Variants in GBF1 observed in about 807,000 individuals in gnomAD.
The protein encoded by GBF1 is Golgi-specific brefeldin A-resistance guanine nucleotide exchange factor 1.
Under a neutral mutation model 210.5 loss-of-function variants are expected in GBF1, and 114 were observed. The ratio of observed to expected loss-of-function variants is 0.54; its 90% CI spans 0.47 to 0.63. The LOEUF (loss-of-function observed/expected upper bound fraction) is 0.63. GBF1 is among the 30% of genes least tolerant of loss of function. GBF1 has a pLI of 0.00. For missense variants in GBF1, 1,851 were observed against 2,357.7 expected, an observed-to-expected ratio of 0.79 and a Z score of 4.45; for synonymous variants, 850 against 889.2, an observed-to-expected ratio of 0.96 and a Z score of 0.78.
At chr10:102,234,930 A>G in the GBF1 span, among the ~76,000 whole-genome samples, 1 of 152,198 alleles carries the variant, frequency 6.6e-6, no homozygotes, top group African/African-American at 2.4e-5. Context: ...AGCCGAGGCC[A>G]GAAAGCCGAG....
At chr10:102,255,504 A>G (rs1445754557) in intron 1 of GBF1, among the ~76,000 whole-genome samples, 1 of 152,336 alleles carries the variant, frequency 6.6e-6, no homozygotes, top group South Asian at 2.1e-4. Flanking sequence ...TTCAAAAGGT[A>G]AAAAAGAATA....
chr10:102,355,283 C>T (rs2059229977), intron 8 of GBF1, among the ~76,000 whole-genome samples: 1 of 152,186 alleles, frequency 6.6e-6, no homozygotes, highest in Non-Finnish European at 1.5e-5. Context: ...GGCCCGTGTT[C>T]TCTTTGAATG....
intron 3 of GBF1, among the ~76,000 whole-genome samples, chr10:102,320,085 C>T (rs1279569567): frequency 2.0e-5 from 3 of 152,042 alleles, no homozygotes; most frequent in African/African-American, 7.2e-5. Context: ...TTACGTCATC[C>T]AGTAGCTTCT....
rs753167428 is a variant in GBF1, at chr10:102,379,362, G to A, written c.4573G>A (p.Glu1525Lys). The change falls in exon 34 of 40, where the codon GAG (glutamate) becomes AAG (lysine). Residue 1525 changes from glutamate (E) to lysine (K), a missense_variant. Coordinates refer to ENST00000369983, the MANE Select transcript of GBF1 (RefSeq NM_001377137.1). ...SSWAEEQRHL[E>K]TGGQKIEADS... The stretch of plus-strand genomic sequence containing the variant: ...ATGGGCGGAGGAGCAACGCCACCTG[G>A]AGACAGGTGGCCAGAAGATTGAAGC... 3.1e-6 allele frequency: 5 copies of A among 1,613,782 alleles called. No individual in the cohort carries two copies. Among genetic ancestry groups the A allele is most frequent in the Admixed American group, 3.3e-5 (2 of 60,014 alleles).
chr10:102,254,843 C>T (rs1171168243), intron 1 of GBF1, among the ~76,000 whole-genome samples: 1 of 152,092 alleles, frequency 6.6e-6, no homozygotes, highest in Non-Finnish European at 1.5e-5. Context: ...TATGAGGTTT[C>T]TGCAGGCCTT....
chr10:102,345,065 C>T (rs112560636), intron 4 of GBF1, among the ~76,000 whole-genome samples: 9,300 of 151,812 alleles, frequency 0.061, 385 homozygotes, highest in Non-Finnish European at 0.098. Flanking sequence ...GGGTGGATCA[C>T]GAGGTCAGGA....
intron 3 of GBF1, among the ~76,000 whole-genome samples, chr10:102,261,989 A>G (rs2073293550): frequency 6.6e-6 from 1 of 152,132 alleles, no homozygotes; most frequent in South Asian, 2.1e-4. Flanking sequence ...GGTTCAAGCA[A>G]GTCTTCTGCC....
chr10:102,278,073 A>G (rs2075150353), intron 3 of GBF1, among the ~76,000 whole-genome samples: 2 of 152,060 alleles, frequency 1.3e-5, no homozygotes, highest in Admixed American at 6.6e-5. Flanking sequence ...CTTTGGCAAC[A>G]TAGTGAGAAC....
intron 4 of GBF1, among the ~76,000 whole-genome samples, chr10:102,346,235 C>T (rs2058564562): frequency 6.6e-6 from 1 of 152,182 alleles, no homozygotes; most frequent in African/African-American, 2.4e-5. Flanking sequence ...CCCGCCTCGG[C>T]TTCCCAAAGT....
chr10:102,339,192 G>A (rs11814894), intron 3 of GBF1, among the ~76,000 whole-genome samples: 50,029 of 151,810 alleles, frequency 0.33, 8,850 homozygotes, highest in South Asian at 0.48. Flanking sequence ...GCAAAATCTC[G>A]TCTATACTAA....
chr10:102,336,723 T>A (rs971009866), intron 3 of GBF1, among the ~76,000 whole-genome samples: 1 of 152,186 alleles, frequency 6.6e-6, no homozygotes, highest in African/African-American at 2.4e-5. Context: ...CTGGTTCCAA[T>A]ACTAACTGGC....
chr10:102,246,753 T>C (rs1455144713), intron 1 of GBF1, among the ~76,000 whole-genome samples: 1 of 152,150 alleles, frequency 6.6e-6, no homozygotes, highest in Non-Finnish European at 1.5e-5. Context: ...GCTATAAAAG[T>C]CCACCAAGGG....
chr10:102,306,582 C>G (rs1266682048), intron 3 of GBF1, among the ~76,000 whole-genome samples: 3 of 152,188 alleles, frequency 2.0e-5, no homozygotes, highest in African/African-American at 7.2e-5. Flanking sequence ...TGACACCAAG[C>G]CTGGCTTATT....
At position 102,377,031 on chromosome 10, in the gene GBF1, G is replaced by A. The variant is rs2060541274; in HGVS notation, c.4385G>A (p.Arg1462Gln). 7.4e-6 allele frequency: 12 copies of A among 1,614,034 alleles called. No homozygotes were observed. Among genetic ancestry groups the A allele is most frequent in the South Asian group, 1.1e-5 (1 of 91,084 alleles). ...TCCAAAGAGGGATCAATGCTTCGCC[G>A]GCCTCGAACCTCCAGCCAACATGCC... ...KKSKEGSMLRRPRTSSQHASR... is the reference protein window; with the variant it reads ...KKSKEGSMLRQPRTSSQHASR... The change falls in exon 33 of 40, where the codon CGG becomes CAG. Residue 1462 changes from arginine to glutamine, a missense_variant. Physicochemically the swap from Arg to Gln is conservative, Grantham distance 43 (BLOSUM62 1). Coordinates refer to ENST00000369983, the MANE Select transcript of GBF1 (RefSeq NM_001377137.1).
chr10:102,362,484 C>G lies in GBF1; in HGVS notation c.1696C>G (p.Pro566Ala), dbSNP rs760598831. 1 of 1,608,578 alleles carries G rather than the reference C, an allele frequency of 6.2e-7. No individual in the cohort carries two copies. The change falls in exon 15 of 40, where the codon CCT (proline) becomes GCT (alanine). Residue 566 changes from proline (P) to alanine (A), a missense_variant. Transcript: ENST00000369983. ...LTKLLSKNAF[P>A]VSGQLYTTHL... ...TCTGTTTACTTTCCAGAATGCCTTC[C>G]CTGTGTCTGGTCAACTCTATACAAC...
At position 102,363,662 on chromosome 10, in the gene GBF1, T is replaced by TA. The variant is rs909190172; in HGVS notation, c.2018-41dup. The TA allele has an allele frequency of 8.1e-6, 10 of 1,238,382 alleles. No individual in the cohort carries two copies. The highest frequency in any genetic ancestry group is 1.9e-4 in the Middle Eastern group (1 of 5,334). The allele number at this position is 1,238,382 out of a possible 1,614,324, so 76.7% of individuals were successfully genotyped here. A position where few individuals can be genotyped will look rare whatever the true frequency, so the allele number is the denominator to read the frequency against. On this transcript the variant is annotated intron_variant, in intron 16 of 39. Transcript: ENST00000369983. The surrounding 1 kb of genome is among the most constrained non-coding windows in gnomAD (Gnocchi z 4.2). ...GACCTTCCAAAAGTCCTTATCTGGG[T>TA]AAAAAAAGGTGTTACAGATATTTCC...
At chr10:102,336,294 T>G (rs1303287435) in intron 3 of GBF1, among the ~76,000 whole-genome samples, 1 of 139,808 alleles carries the variant, frequency 7.2e-6, no homozygotes, top group South Asian at 2.2e-4. Flanking sequence ...AGCGAGACTT[T>G]GTCTCAAAAA....
chr10:102,275,994 T>C (rs1393902034), intron 3 of GBF1, among the ~76,000 whole-genome samples: 1 of 152,130 alleles, frequency 6.6e-6, no homozygotes, highest in Non-Finnish European at 1.5e-5. Flanking sequence ...CCCAGCACTT[T>C]GGGAGGCCGA....
intron 3 of GBF1, among the ~76,000 whole-genome samples, chr10:102,327,932 C>T (rs1404496037): frequency 1.3e-5 from 2 of 152,204 alleles, no homozygotes. Context: ...ATTGCTCCTC[C>T]AGATTCAGCT....
Sources: gnomAD v4.1 joint callset for allele counts (sites outside exome capture counted in the v4.1 genomes callset) on GRCh38, gnomAD v4.1.1 for gene constraint, Gnocchi (gnomAD v3.1) non-coding constraint, MANE v1.5 for transcripts, NCBI Gene and HGNC (gene_info 2026-07-23, HGNC 2026-07-21) for gene names.